VPS13B: variants seen among roughly 807,000 people sequenced by gnomAD.
VPS13B encodes the protein vacuolar protein sorting 13 homolog B.
In VPS13B, 285 loss-of-function variants were observed where a neutral mutation model predicts 426.4. The observed-to-expected ratio is 0.67, with a 90% CI of 0.61 to 0.74. The LOEUF (loss-of-function observed/expected upper bound fraction) is 0.74. Among genes scored for constraint, VPS13B ranks in the 30% least tolerant of loss-of-function variants. The pLI is 0.00. For missense variants in VPS13B, 4,537 were observed against 4,782.6 expected, an observed-to-expected ratio of 0.95 and a Z score of 1.51; for synonymous variants, 1,676 against 1,676.4, an observed-to-expected ratio of 1.00 and a Z score of 0.01.
chr8:99,079,590 A>G (rs1845336267), intron 3 of VPS13B, among the ~76,000 whole-genome samples: 1 of 152,152 alleles, frequency 6.6e-6, no homozygotes. Flanking sequence ...CTCCTTGTGT[A>G]TAGATTTTAG....
chr8:99,689,109 A>G (rs1177312475), intron 35 of VPS13B, among the ~76,000 whole-genome samples: 1 of 152,034 alleles, frequency 6.6e-6, no homozygotes, highest in African/African-American at 2.4e-5. Flanking sequence ...AAAGAGGGGA[A>G]CAAGAACAAT....
intron 16 of VPS13B, among the ~76,000 whole-genome samples, chr8:99,190,424 G>T (rs1563592813): frequency 6.6e-6 from 1 of 151,432 alleles, no homozygotes; most frequent in Middle Eastern, 3.2e-3. Flanking sequence ...ATATTTTGGG[G>T]TTTAGTTCTA....
intron 39 of VPS13B, among the ~76,000 whole-genome samples, chr8:99,725,768 G>A (rs539244064): frequency 3.9e-5 from 6 of 152,232 alleles, no homozygotes; most frequent in African/African-American, 9.6e-5. Context: ...ATCAGGGTGC[G>A]TTGTGTTATT....
chr8:99,163,644 G>A (rs1049625088), intron 15 of VPS13B, among the ~76,000 whole-genome samples: 1 of 152,242 alleles, frequency 6.6e-6, no homozygotes, highest in Non-Finnish European at 1.5e-5. Flanking sequence ...TGGCCGGGGT[G>A]CTAAGTCCCT....
At chr8:99,603,275 T>A (rs1196826693) in intron 33 of VPS13B, among the ~76,000 whole-genome samples, 1 of 152,226 alleles carries the variant, frequency 6.6e-6, no homozygotes, top group Non-Finnish European at 1.5e-5. Flanking sequence ...CCCTCTTATC[T>A]GTGGGTGATA....
intron 21 of VPS13B, among the ~76,000 whole-genome samples, chr8:99,403,950 C>T (rs1280874489): frequency 6.6e-6 from 1 of 152,156 alleles, no homozygotes; most frequent in East Asian, 1.9e-4. Context: ...AGACAGATTG[C>T]AGACTTTACA....
intron 55 of VPS13B, among the ~76,000 whole-genome samples, chr8:99,850,478 G>A (rs975482713): frequency 6.6e-6 from 1 of 152,088 alleles, no homozygotes; most frequent in African/African-American, 2.4e-5. Context: ...GGTAACAGAT[G>A]TGGGGTTAAT....
chr8:99,754,938 T>G (rs940211304), intron 39 of VPS13B, among the ~76,000 whole-genome samples: 1 of 152,066 alleles, frequency 6.6e-6, no homozygotes, highest in Non-Finnish European at 1.5e-5. Flanking sequence ...CAAAAATAAT[T>G]AGAGGCAATT....
intron 35 of VPS13B, among the ~76,000 whole-genome samples, chr8:99,698,370 G>A (rs1044881636): frequency 5.3e-5 from 8 of 152,246 alleles, no homozygotes; most frequent in Non-Finnish European, 1.0e-4. Flanking sequence ...TGAGGACCAC[G>A]CGGACTCTGC....
At chr8:99,875,080 T>C in intron 61 of VPS13B, 1 of 340,004 alleles carries the variant, frequency 2.9e-6, no homozygotes, top group South Asian at 2.8e-5. Flanking sequence ...TTTCTCCTTT[T>C]TTCTTGGGCT....
rs571567967 is a variant in VPS13B at position 99,819,644 on chromosome 8, C to A, written c.8792+62C>A. 1.0e-5 allele frequency: 16 copies of A among 1,550,334 alleles called. No individual in the cohort carries two copies. In the East Asian group the frequency reaches 3.0e-4, roughly 29 times the overall value. ...CTCAACATTAACAAATGATCATTCA[C>A]AAAAATATTAAATACCATAAGTGGT... On this transcript the variant is annotated intron_variant, in intron 48 of 61. Transcript: ENST00000357162.
At chr8:99,134,852 A>C in intron 9 of VPS13B, 125 bp downstream of exon 9, 6 of 1,162,458 alleles carry the variant, frequency 5.2e-6, no homozygotes, top group Non-Finnish European at 7.4e-6. Context: ...TTATTTTAAT[A>C]GAGTTTACTA....
At chr8:99,583,668 A>T (rs1180236500) in intron 33 of VPS13B, among the ~76,000 whole-genome samples, 1 of 152,208 alleles carries the variant, frequency 6.6e-6, no homozygotes, top group African/African-American at 2.4e-5. Context: ...ATAATTAGAA[A>T]TAGGAACTTG....
At chr8:99,206,052 C>T (rs944048445) in intron 17 of VPS13B, among the ~76,000 whole-genome samples, 3 of 152,000 alleles carry the variant, frequency 2.0e-5, no homozygotes, top group Non-Finnish European at 2.9e-5. Context: ...TTTTGTTATT[C>T]GTGTTTCTGA....
intron 35 of VPS13B, chr8:99,697,991 A>G (rs767533284): frequency 1.3e-4 from 54 of 407,512 alleles, no homozygotes; most frequent in Non-Finnish European, 2.3e-4. Context: ...GAAGACTGAG[A>G]AGGAGGCCGC....
chr8:99,717,126 T>G, intron 36 of VPS13B, 45 bp from the exon 37 acceptor site: 1 of 1,539,536 alleles, frequency 6.5e-7, no homozygotes, highest in South Asian at 1.1e-5. Context: ...CAAACATTTT[T>G]TTTGATAAGG....
intron 43 of VPS13B, among the ~76,000 whole-genome samples, chr8:99,808,821 C>G (rs1030162188): frequency 2.6e-5 from 4 of 151,336 alleles, no homozygotes; most frequent in Admixed American, 2.0e-4. Flanking sequence ...ACAAATACAT[C>G]ATATCTTACA....
intron 8 of VPS13B, chr8:99,121,846 CTT>C (rs34151287): frequency 1.8e-3 from 200 of 112,284 alleles, no homozygotes; most frequent in South Asian, 4.1e-3. Flanking sequence ...CTCTCTCTCT[CTT>C]TTTTTTTTTT....
At chr8:99,349,658 T>TTA (rs1196203471) in intron 19 of VPS13B, among the ~76,000 whole-genome samples, 1 of 152,180 alleles carries the variant, frequency 6.6e-6, no homozygotes, top group Non-Finnish European at 1.5e-5. Flanking sequence ...GCAACCCTAA[T>TTA]TATGATTCAG....
Sources: allele counts gnomAD v4.1 joint callset (sites outside exome capture counted in the v4.1 genomes callset), GRCh38; gene constraint gnomAD v4.1.1; transcripts MANE v1.5; gene names NCBI Gene and HGNC (gene_info 2026-07-23, HGNC 2026-07-21).